The following UBTF variants were observed in gnomAD, a reference collection of about 807,000 sequenced individuals.
UBTF encodes upstream binding transcription factor.
In UBTF, 8 loss-of-function variants were observed where a neutral mutation model predicts 112.3. The ratio of observed to expected loss-of-function variants is 0.07; its 90% CI spans 0.04 to 0.13. UBTF has a LOEUF of 0.13. Ranked by LOEUF, UBTF falls within the 10% of genes least tolerant of loss-of-function variation. The pLI, the probability that UBTF is intolerant of heterozygous loss-of-function variation, is 1.00. For synonymous variants in UBTF, 417 were observed against 373.1 expected, an observed-to-expected ratio of 1.12 and a Z score of -1.36; for missense variants, 457 against 982.1, an observed-to-expected ratio of 0.47 and a Z score of 7.15.
At position 44,217,542 on chromosome 17, in the gene UBTF, G is replaced by C. The variant is rs559823024; in HGVS notation, c.58+630C>G. On this transcript the variant is annotated intron_variant, in intron 2 of 20. Transcript: ENST00000436088. Reference sequence around the variant, plus strand: ...GCCACCCAAGGCCAGAAGTCAAAAGGGCTCTCCATTTTCATTTGCATCTGG... The same window carrying C: ...GCCACCCAAGGCCAGAAGTCAAAAGCGCTCTCCATTTTCATTTGCATCTGG... Among the ~76,000 whole-genome samples the C allele has an allele frequency of 2.6e-5, 4 of 152,262 alleles. No homozygotes were observed. In the East Asian group the frequency reaches 7.7e-4, roughly 29 times the overall value.
chr17:44,207,753 G>A lies in UBTF; in HGVS notation c.1971C>T (p.Thr657=), dbSNP rs377040450. 4 of 1,614,024 alleles carry A rather than the reference G, an allele frequency of 2.5e-6. No individual in the cohort carries two copies. The African/African-American group carries it at 5.3e-5, about 22-fold the overall frequency. Residue 657 remains threonine, a synonymous_variant, in exon 19 of 21, where the codon ACC becomes ACT. Transcript: ENST00000436088. ...ATTTGGGGTTTGGGCCTCGCAGCTTGGTCATGCTCTTACGTTTCTGCAGGA... is the reference window on the plus strand; with the variant it reads ...ATTTGGGGTTTGGGCCTCGCAGCTTAGTCATGCTCTTACGTTTCTGCAGGA... ...EYISNKRKSM[T]KLRGPNPKSS...
At chr17:44,213,044 A>T (rs1598247643) in intron 6 of UBTF, 105 bp from the exon 7 acceptor site, 1 of 1,560,570 alleles carries the variant, frequency 6.4e-7, no homozygotes, top group Non-Finnish European at 8.7e-7. Context: ...GCTGGGGCTC[A>T]GTGGGACGGT....
At chr17:44,220,541 A>G (rs1326479759), upstream of UBTF, among the ~76,000 whole-genome samples, 1 of 151,854 alleles carries the variant, frequency 6.6e-6, no homozygotes, top group East Asian at 1.9e-4. Context: ...TCTGCATTAA[A>G]AAAAAAAAAT....
At position 44,218,291 on chromosome 17, in the gene UBTF, C is replaced by A. The variant is rs747542910; in HGVS notation, c.-62G>T. The A allele has an allele frequency of 6.3e-7, 1 of 1,584,198 alleles. No individual in the cohort carries two copies. Among genetic ancestry groups the A allele is most frequent in the South Asian group, 1.1e-5 (1 of 90,530 alleles). On this transcript the variant is annotated 5_prime_UTR_variant, in exon 2 of 21. It adds an upstream start codon to the 5' untranslated region. Coordinates refer to ENST00000436088, the MANE Select transcript of UBTF (RefSeq NM_014233.4). Reference sequence around the variant, plus strand: ...CCGGGCAACCCGGGGTCAAAGCCACCTCACCCTTTGGAAGACATACCAGTT... The same window carrying A: ...CCGGGCAACCCGGGGTCAAAGCCACATCACCCTTTGGAAGACATACCAGTT...
Position 44,211,155 on chromosome 17 carries a change from G to A in UBTF, c.1090-3C>T. 2 of 1,613,076 alleles carry A rather than the reference G, an allele frequency of 1.2e-6. No individual in the cohort carries two copies. Among genetic ancestry groups the A allele is most frequent in the Non-Finnish European group, 1.7e-6 (2 of 1,179,928 alleles). On this transcript the variant is annotated splice_polypyrimidine_tract_variant and splice_region_variant and intron_variant, in intron 11 of 20. Transcript: ENST00000436088. This position sits in a 1 kb window ranked among gnomAD's most constrained non-coding sequence, Gnocchi z 4.9. ...TGCTGCTCCTCCTCAGGCAGGCTCT[G>A]GACAGGAAAGAGGAGCACGGGGCTG...
rs1168054288 is a variant in UBTF, at chr17:44,218,330, G to A, written c.-67-34C>T. 7 of 1,327,124 alleles carry A rather than the reference G, an allele frequency of 5.3e-6. No homozygotes were observed. In the Admixed American group the frequency reaches 5.8e-5, roughly 11 times the overall value. 82.2% of individuals were successfully genotyped at this position (1,327,124 alleles called of 1,614,324 possible). A position where few individuals can be genotyped will look rare whatever the true frequency, so the allele number is the denominator to read the frequency against. On this transcript the variant is annotated intron_variant, in intron 1 of 20. Coordinates refer to ENST00000436088, the MANE Select transcript of UBTF (RefSeq NM_014233.4). ...GACATACCAGTTCCCACTCAGGAAG[G>A]CTGAGAGGTGAACGACTAACGACTT...
At chr17:44,220,090 G>T (rs1198201171), upstream of UBTF, among the ~76,000 whole-genome samples, 2 of 147,750 alleles carry the variant, frequency 1.4e-5, no homozygotes, top group African/African-American at 2.5e-5. Context: ...GGGGAAGGGG[G>T]GGGGGGCCGG....
chr17:44,207,039 C>T lies in UBTF; in HGVS notation c.*203G>A. 1.6e-6 allele frequency: 1 copy of T among 617,014 alleles called. No individual in the cohort carries two copies. The highest frequency in any genetic ancestry group is 2.8e-5 in the East Asian group (1 of 35,748). The allele number at this position is 617,014 out of a possible 1,614,324, so 38.2% of individuals were successfully genotyped here. On this transcript the variant is annotated 3_prime_UTR_variant, in exon 21 of 21. Transcript: ENST00000436088. ...GTCCCTGGAGGAGGACCCCCAAGGG[C>T]TGATGTCTCTGAGGCTGCAGAGTCC...
At chr17:44,213,133 T>C in intron 6 of UBTF, 85 bp downstream of exon 6, 1 of 1,555,618 alleles carries the variant, frequency 6.4e-7, no homozygotes, top group Non-Finnish European at 8.7e-7. Context: ...GCCTCAGAGA[T>C]GGCAAACTCA....
chr17:44,215,861 A>G, intron 4 of UBTF, 45 bp downstream of exon 4: 1 of 1,613,962 alleles, frequency 6.2e-7, no homozygotes, highest in Non-Finnish European at 8.5e-7. Flanking sequence ...CCTTCTTTGG[A>G]CCTTTCCTCC....
chr17:44,210,022 G>GA (rs1189330682), intron 15 of UBTF, 102 bp downstream of exon 15: 1 of 1,216,016 alleles, frequency 8.2e-7, no homozygotes, highest in South Asian at 1.3e-5. Flanking sequence ...GAGACTTGCT[G>GA]AGAGTCACAG....
chr17:44,213,052 G>A lies in UBTF; in HGVS notation c.540-113C>T, dbSNP rs879832159. ...CCTTTCAGCTGGGGCTCAGTGGGAC[G>A]GTGGCTGCCTGCCTGTCTCTGTCCC... On this transcript the variant is annotated intron_variant, in intron 6 of 20. Transcript: ENST00000436088. 112 of 1,550,896 alleles carry A rather than the reference G, an allele frequency of 7.2e-5. 1 individual carries two copies. The highest frequency in any genetic ancestry group is 6.1e-4 in the Admixed American group (34 of 55,324).
chr17:44,212,742 GC>G, intron 7 of UBTF, 76 bp downstream of exon 7: 1 of 1,585,824 alleles, frequency 6.3e-7, no homozygotes, highest in East Asian at 2.2e-5. Flanking sequence ...CCTGCACCGT[GC>G]CCGGCCGACC....
chr17:44,207,692 T>G lies in UBTF; in HGVS notation c.2025+7A>C. 6.2e-7 allele frequency: 1 copy of G among 1,614,132 alleles called. No homozygotes were observed. Among genetic ancestry groups the G allele is most frequent in the Non-Finnish European group, 8.5e-7 (1 of 1,180,016 alleles). On this transcript the variant is annotated splice_region_variant and intron_variant, in intron 19 of 20. Coordinates refer to ENST00000436088, the MANE Select transcript of UBTF (RefSeq NM_014233.4). ...CCACGCCCCTGCATCTGGGAGGGGC[T>G]CCTTACCGACTTGGACTGCAGAGTA...
intron 4 of UBTF, 38 bp from the exon 5 acceptor site, chr17:44,215,847 C>T: frequency 6.2e-7 from 1 of 1,614,096 alleles, no homozygotes; most frequent in Non-Finnish European, 8.5e-7. Context: ...AGGTCAAATA[C>T]ATCCCTTCTT....
At chr17:44,213,433 GACTCACCA>G in intron 5 of UBTF, 151 bp from the exon 6 acceptor site, 2 of 797,882 alleles carry the variant, frequency 2.5e-6, no homozygotes, top group Non-Finnish European at 3.9e-6. Flanking sequence ...CTCCTGGCGG[GACTCACCA>G]CAGAGCAGAC....
Position 44,207,341 on chromosome 17 carries a change from G to A in UBTF, c.2196C>T (p.Asp732=), listed in dbSNP as rs145436194. 29 of 1,612,456 alleles carry A rather than the reference G, an allele frequency of 1.8e-5. No individual in the cohort carries two copies. The highest frequency in any genetic ancestry group is 9.9e-5 in the South Asian group (9 of 90,816). ...DENEEDDEDE[D]DDEDDDEDED... ...CATCCTCATCGTCATCCTCGTCGTC[G>A]TCTTCGTCCTCGTCATCCTCTTCAT... Residue 732 remains aspartate (D), a synonymous_variant, in exon 21 of 21, where the codon GAC becomes GAT. Coordinates refer to ENST00000436088, the MANE Select transcript of UBTF (RefSeq NM_014233.4).
At position 44,207,159 on chromosome 17, in the gene UBTF, G is replaced by T; in HGVS notation, c.*83C>A. ...GGGGAGGCCAGGGGGGCAAGGGACA[G>T]AACATGGGGGAGAAACAAAGGTGGT... On this transcript the variant is annotated 3_prime_UTR_variant, in exon 21 of 21. Transcript: ENST00000436088. 6.6e-7 allele frequency: 1 copy of T among 1,514,464 alleles called. No homozygotes were observed. The highest frequency in any genetic ancestry group is 9.1e-7 in the Non-Finnish European group (1 of 1,101,776). The allele number at this position is 1,514,464 out of a possible 1,614,324, so 93.8% of individuals were successfully genotyped here. A position where few individuals can be genotyped will look rare whatever the true frequency, so the allele number is the denominator to read the frequency against.
In UBTF at chr17:44,207,550, ATCCTCG is replaced by A. The variant is rs895359317; in HGVS notation, c.2067_2072del (p.Asp691_Glu692del). On this transcript the variant is annotated inframe_deletion, in exon 20 of 21. Coordinates refer to ENST00000436088, the MANE Select transcript of UBTF (RefSeq NM_014233.4). ...CATTCTCATCATCTTCCTCTTCTTC[ATCCTCG>A]TCCTCGTCATCCTCATCCTCTTCAT... is the stretch of plus-strand genomic sequence containing the variant. 7 of 1,613,086 alleles carry A rather than the reference ATCCTCG, an allele frequency of 4.3e-6. No individual in the cohort carries two copies. Among genetic ancestry groups the A allele is most frequent in the Admixed American group, 1.7e-5 (1 of 59,952 alleles).
Sources: allele counts gnomAD v4.1 joint callset (sites outside exome capture counted in the v4.1 genomes callset), GRCh38; gene constraint gnomAD v4.1.1; non-coding constraint Gnocchi (gnomAD v3.1); transcripts MANE v1.5; gene names NCBI Gene and HGNC (gene_info 2026-07-23, HGNC 2026-07-21).